Variants in PON2 observed in about 807,000 individuals in gnomAD.
PON2 encodes the protein serum paraoxonase/arylesterase 2.
In PON2, 27 loss-of-function variants were observed where a neutral mutation model predicts 36.6. The ratio of observed to expected loss-of-function variants is 0.74; its 90% CI spans 0.54 to 1.02. PON2 has a LOEUF of 1.02. Among genes scored for constraint, PON2 ranks in the 50% least tolerant of loss-of-function variants. The pLI, the probability that PON2 is intolerant of heterozygous loss-of-function variation, is 0.00. For missense variants in PON2, 363 were observed against 421.1 expected (o/e 0.86, Z 1.21); for synonymous variants, 149 against 156.3 (o/e 0.95, Z 0.35).
chr7:95,409,258 G>A (rs566408208), intron 6 of PON2, among the ~76,000 whole-genome samples: 24 of 152,084 alleles, frequency 1.6e-4, no homozygotes, highest in African/African-American at 5.1e-4. Flanking sequence ...GTTGAGGTGA[G>A]CTGAGATCAT....
chr7:95,405,895 G>C (rs937680123), intron 8 of PON2, among the ~76,000 whole-genome samples: 1 of 152,228 alleles, frequency 6.6e-6, no homozygotes, highest in South Asian at 2.1e-4. Flanking sequence ...CTTTTGACTA[G>C]TTTCCACCAT....
At position 95,412,414 on chromosome 7, in the gene PON2, C is replaced by T. The variant is rs983415948; in HGVS notation, c.265G>A (p.Asp89Asn). 6.2e-7 allele frequency: 1 copy of T among 1,613,972 alleles called. No homozygotes were observed. Residue 89 changes from aspartate (D) to asparagine (N), a missense_variant, in exon 4 of 9, where the codon GAT becomes AAT. Physicochemically the swap from Asp to Asn is conservative, Grantham distance 23. Coordinates refer to ENST00000222572, the MANE Select transcript of PON2 (RefSeq NM_000305.3). The stretch of plus-strand genomic sequence containing the variant: ...GCCCTTGGTTTTTCTTCTTTTAGAT[C>T]CATCATTAGTATTCCTCCAGGCTTA... ...PDKPGGILMM[D>N]LKEEKPRARE...
At chr7:95,406,951 T>C (rs373192519) in intron 7 of PON2, 36 bp downstream of exon 7, 20 of 1,254,176 alleles carry the variant, frequency 1.6e-5, no homozygotes, top group Non-Finnish European at 2.3e-5. Flanking sequence ...CAAAGCATAA[T>C]AGATTACTGT....
At chr7:95,434,763 G>T in intron 1 of PON2, 115 bp downstream of exon 1, 1 of 1,195,862 alleles carries the variant, frequency 8.4e-7, no homozygotes, top group Non-Finnish European at 1.1e-6. Flanking sequence ...CTCCACCCCC[G>T]GCCGCAGGGC....
intron 1 of PON2, among the ~76,000 whole-genome samples, chr7:95,431,290 T>C (rs952944763): frequency 6.6e-6 from 1 of 152,214 alleles, no homozygotes; most frequent in Non-Finnish European, 1.5e-5. Context: ...ATAACTTGAT[T>C]GCCAAAGTAC....
At chr7:95,420,799 A>G (rs1789174154) in intron 2 of PON2, among the ~76,000 whole-genome samples, 1 of 152,202 alleles carries the variant, frequency 6.6e-6, no homozygotes, top group East Asian at 1.9e-4. Flanking sequence ...TCTATCATAA[A>G]AAGTCACTTT....
chr7:95,410,139 G>A (rs762494807), intron 5 of PON2, 38 bp from the exon 6 acceptor site: 8 of 1,512,212 alleles, frequency 5.3e-6, no homozygotes, highest in Non-Finnish European at 7.3e-6. Context: ...GAAACAAAAG[G>A]CCTGTTGGTC....
intron 3 of PON2, chr7:95,412,974 C>A: frequency 5.7e-6 from 1 of 175,052 alleles, no homozygotes; most frequent in Non-Finnish European, 1.2e-5. Context: ...CAATATAACA[C>A]TTTTTAAATT....
At chr7:95,415,967 A>T in intron 3 of PON2, 2 of 554,764 alleles carry the variant, frequency 3.6e-6, no homozygotes, top group Non-Finnish European at 6.0e-6. Flanking sequence ...AATAAAAAAA[A>T]TTAAAAAAGA....
intron 2 of PON2, among the ~76,000 whole-genome samples, chr7:95,417,734 G>T (rs1436018414): frequency 9.4e-6 from 1 of 106,866 alleles, no homozygotes; most frequent in Non-Finnish European, 2.1e-5. Context: ...CACCGAGAGA[G>T]AATTCTAGTC....
rs1210890498 is a variant in PON2, at chr7:95,425,412, T to C, written c.75-827A>G. Among the ~76,000 whole-genome samples, 6 of 152,200 alleles carry C rather than the reference T, an allele frequency of 3.9e-5. No individual in the cohort carries two copies. The East Asian group carries it at 1.2e-3, about 29-fold the overall frequency. ...CCACTCTAGAGGGCCAGGAAGCAGT[T>C]TGGGACAATATCTGTGGGATCTTTT... is the stretch of plus-strand genomic sequence containing the variant. On this transcript the variant is annotated intron_variant, in intron 1 of 8. Coordinates refer to ENST00000222572, the MANE Select transcript of PON2 (RefSeq NM_000305.3).
At chr7:95,428,585 C>A (rs1412830696) in intron 1 of PON2, among the ~76,000 whole-genome samples, 2 of 152,134 alleles carry the variant, frequency 1.3e-5, no homozygotes, top group Non-Finnish European at 2.9e-5. Flanking sequence ...ACATTCATTG[C>A]AACTTCAAAA....
intron 6 of PON2, chr7:95,409,462 T>C (rs1350275965): frequency 1.3e-5 from 2 of 152,586 alleles, no homozygotes; most frequent in Non-Finnish European, 2.9e-5. Flanking sequence ...AGAGAATTGG[T>C]TAAATTAGTT....
chr7:95,413,971 T>C (rs1220361998), intron 3 of PON2, among the ~76,000 whole-genome samples: 1 of 152,228 alleles, frequency 6.6e-6, no homozygotes, highest in Non-Finnish European at 1.5e-5. Context: ...AAGGAAGCAC[T>C]ATCAGATGGT....
chr7:95,422,686 A>C (rs2158806), intron 2 of PON2, among the ~76,000 whole-genome samples: 39,382 of 152,118 alleles, frequency 0.26, 5,518 homozygotes, highest in South Asian at 0.36. Flanking sequence ...CAGAGAAGAG[A>C]ACATTTCCAT....
rs1809690665 is a variant in PON2, at chr7:95,406,267, CAAAATCTAA to C, written c.778-29_778-21del. ...AAGTACCTTCCAAATGAGAAATTGTCAAAATCTAAATGACATGAGAAACTTGATTAAATA... is the reference window on the plus strand; with the variant it reads ...AAGTACCTTCCAAATGAGAAATTGTCATGACATGAGAAACTTGATTAAATA... On this transcript the variant is annotated intron_variant, in intron 7 of 8. Transcript: ENST00000222572. 1 of 1,605,742 alleles carries C rather than the reference CAAAATCTAA, an allele frequency of 6.2e-7. No individual in the cohort carries two copies. Among genetic ancestry groups the C allele is most frequent in the African/African-American group, 1.3e-5 (1 of 74,784 alleles).
chr7:95,411,057 T>G (rs896664355), intron 5 of PON2, among the ~76,000 whole-genome samples: 1 of 152,250 alleles, frequency 6.6e-6, no homozygotes, highest in South Asian at 2.1e-4. Flanking sequence ...AGCAGTAGGC[T>G]AATACACACT....
rs1262631627 is a variant in PON2 at position 95,405,121 on chromosome 7, T to C, written c.*209A>G. ...TATTCGAAAGCAGCTTTCTTTTCTGTCCCTTGCTTGGCATTTTAAAGAACC... is the reference window on the plus strand; with the variant it reads ...TATTCGAAAGCAGCTTTCTTTTCTGCCCCTTGCTTGGCATTTTAAAGAACC... On this transcript the variant is annotated 3_prime_UTR_variant, in exon 9 of 9. Transcript: ENST00000222572. The C allele has an allele frequency of 1.8e-6, 1 of 543,484 alleles. No individual in the cohort carries two copies. Among genetic ancestry groups the C allele is most frequent in the Non-Finnish European group, 3.3e-6 (1 of 306,334 alleles). The allele number at this position is 543,484 out of a possible 1,614,324, so 33.7% of individuals were successfully genotyped here.
chr7:95,414,547 A>G (rs971439280), intron 3 of PON2, among the ~76,000 whole-genome samples: 1 of 152,168 alleles, frequency 6.6e-6, no homozygotes, highest in Non-Finnish European at 1.5e-5. Context: ...ATTTATTACT[A>G]TGGGGGCTGG....
Sources: allele counts gnomAD v4.1 joint callset (sites outside exome capture counted in the v4.1 genomes callset), GRCh38; gene constraint gnomAD v4.1.1; transcripts MANE v1.5; gene names NCBI Gene and HGNC (gene_info 2026-07-23, HGNC 2026-07-21).